The following GSAP variants were observed in gnomAD, a reference collection of about 807,000 sequenced individuals.
GSAP encodes the protein gamma-secretase-activating protein.
A neutral mutation model predicts 131.7 loss-of-function variants in GSAP; 118 were observed. That is an observed-to-expected ratio of 0.90 (90% CI 0.77 to 1.04). The LOEUF is 1.04. Among genes scored for constraint, GSAP ranks in the 50% least tolerant of loss-of-function variants. The probability of loss-of-function intolerance (pLI) is 0.00; values close to 1 mark genes in which losing one functional copy is unlikely to be tolerated. For synonymous variants in GSAP, 381 were observed against 363.4 expected, an observed-to-expected ratio of 1.05 and a Z score of -0.55; for missense variants, 1,019 against 1,013.2, an observed-to-expected ratio of 1.01 and a Z score of -0.08.
rs550887353 is a variant in GSAP at position 77,390,645 on chromosome 7, C to A, written c.368-3197G>T. On this transcript the variant is annotated intron_variant, in intron 5 of 30. Coordinates refer to ENST00000257626, the MANE Select transcript of GSAP (RefSeq NM_017439.4). ...CTCTGTTCTGTTCCATTGGTATATACCTAAGCTAAATGACGAGTTAATGGG... is the reference window on the plus strand; with the variant it reads ...CTCTGTTCTGTTCCATTGGTATATAACTAAGCTAAATGACGAGTTAATGGG... 3.3e-5 allele frequency among the ~76,000 whole-genome samples: 5 copies of A among 151,936 alleles called. No homozygotes were observed. The South Asian group carries it at 1.0e-3, about 32-fold the overall frequency.
At chr7:77,361,674 A>G (rs1384536002) in intron 13 of GSAP, among the ~76,000 whole-genome samples, 1 of 152,196 alleles carries the variant, frequency 6.6e-6, no homozygotes, top group Non-Finnish European at 1.5e-5. Context: ...ATTTAAATAC[A>G]CCCATAGTAT....
chr7:77,359,333 A>AT (rs1794208049), intron 14 of GSAP, among the ~76,000 whole-genome samples: 1 of 152,234 alleles, frequency 6.6e-6, no homozygotes, highest in Non-Finnish European at 1.5e-5. Flanking sequence ...ACCAATCAGA[A>AT]TTGCTGTAGG....
At chr7:77,416,569 G>C, upstream of GSAP, 1 of 357,298 alleles carries the variant, frequency 2.8e-6, no homozygotes, top group Non-Finnish European at 5.0e-6. Flanking sequence ...GGTGGACCAG[G>C]CGCCAGGACC....
intron 19 of GSAP, among the ~76,000 whole-genome samples, chr7:77,332,438 G>T (rs1789296744): frequency 6.6e-6 from 1 of 152,132 alleles, no homozygotes; most frequent in South Asian, 2.1e-4. Flanking sequence ...AGGCTAATTA[G>T]CATAGCCATC....
At chr7:77,330,195 A>G (rs1283234593) in intron 20 of GSAP, 44 bp downstream of exon 20, 21 of 1,580,174 alleles carry the variant, frequency 1.3e-5, no homozygotes, top group Admixed American at 5.3e-5. Flanking sequence ...GATCCAGTCC[A>G]CTATGCCTCG....
intron 14 of GSAP, among the ~76,000 whole-genome samples, chr7:77,356,821 G>C (rs1158907796): frequency 6.6e-6 from 1 of 152,232 alleles, no homozygotes. Flanking sequence ...CCTAAGAAGT[G>C]AAGGAACACA....
At chr7:77,383,061 C>T (rs1798024841) in intron 6 of GSAP, among the ~76,000 whole-genome samples, 1 of 152,068 alleles carries the variant, frequency 6.6e-6, no homozygotes, top group Non-Finnish European at 1.5e-5. Context: ...GTGGCACGTG[C>T]CTGTAGTCCC....
At position 77,416,231 on chromosome 7, in the gene GSAP, C is replaced by T; in HGVS notation, c.91G>A (p.Ala31Thr). The T allele has an allele frequency of 6.8e-7, 1 of 1,475,046 alleles. No individual in the cohort carries two copies. The highest frequency in any genetic ancestry group is 1.3e-5 in the South Asian group (1 of 76,962). 91.4% of individuals were successfully genotyped at this position (1,475,046 alleles called of 1,614,324 possible). A position where few individuals can be genotyped will look rare whatever the true frequency, so the allele number is the denominator to read the frequency against. ...CCCGCACCTGCGCCGCCGCTTCCGG[C>T]CCCGCTGGCCTCCGACACTGCCCGC... ...AQRAVSEASG[A>T]GSGGADVLEN... The change falls in exon 1 of 31, where the codon GCC (alanine) becomes ACC (threonine). Residue 31 changes from alanine (A) to threonine (T), a missense_variant. Physicochemically the swap from Ala to Thr is moderately conservative, Grantham distance 58. Transcript: ENST00000257626.
At chr7:77,381,457 T>C (rs141036610) in intron 7 of GSAP, 103 bp from the exon 8 acceptor site, 43 of 543,500 alleles carry the variant, frequency 7.9e-5, no homozygotes, top group Middle Eastern at 6.4e-4. Context: ...GCAATGCAGA[T>C]TGAACAACTG....
At chr7:77,312,080 T>C (rs905917570) in intron 29 of GSAP, 21 bp downstream of exon 29, 16 of 1,489,760 alleles carry the variant, frequency 1.1e-5, no homozygotes, top group Non-Finnish European at 1.5e-5. Flanking sequence ...TTTAGTTGGC[T>C]GTGCTTTCAG....
At position 77,400,064 on chromosome 7, in the gene GSAP, C is replaced by T. The variant is rs536572673; in HGVS notation, c.244-2649G>A. ...TATAACCACCCTAAGTCCAGCCAAA[C>T]ACCACAAAAGAAAATGCAACCCCAC... is the stretch of plus-strand genomic sequence containing the variant. On this transcript the variant is annotated intron_variant, in intron 3 of 30. Coordinates refer to ENST00000257626, the MANE Select transcript of GSAP (RefSeq NM_017439.4). Among the ~76,000 whole-genome samples the T allele has an allele frequency of 3.5e-4, 53 of 152,284 alleles. 1 individual carries two copies. The highest frequency in any genetic ancestry group is 6.9e-4 in the Non-Finnish European group (47 of 68,018).
intron 26 of GSAP, among the ~76,000 whole-genome samples, chr7:77,319,597 T>C (rs1787355492): frequency 6.6e-6 from 1 of 152,206 alleles, no homozygotes; most frequent in South Asian, 2.1e-4. Context: ...ATGTATATAC[T>C]CCCATGTTTA....
intron 19 of GSAP, among the ~76,000 whole-genome samples, chr7:77,339,582 AATG>A (rs1790573632): frequency 6.6e-6 from 1 of 152,196 alleles, no homozygotes; most frequent in Non-Finnish European, 1.5e-5. Context: ...CATGTGTGGA[AATG>A]ATGAATGGGA....
intron 19 of GSAP, among the ~76,000 whole-genome samples, chr7:77,334,582 A>T (rs1789681167): frequency 1.6e-5 from 2 of 127,792 alleles, no homozygotes; most frequent in Admixed American, 7.4e-5. Flanking sequence ...TTAAAATTTA[A>T]AAAAAAAAAA....
At chr7:77,415,889 C>CATTAAAAAA in intron 1 of GSAP, 2 of 275,138 alleles carry the variant, frequency 7.3e-6, no homozygotes, top group South Asian at 9.9e-5. Flanking sequence ...TGAGCACGAC[C>CATTAAAAAA]CTCTGCCCTC....
rs189801873 is a variant in GSAP, at chr7:77,333,245, G to A, written c.1546-2878C>T. Reference sequence around the variant, plus strand: ...GAAAACAGAGATGGAACAGGGGAGGGAAATGGATTTGAGTCAGTGAAGGAC... The same window carrying A: ...GAAAACAGAGATGGAACAGGGGAGGAAAATGGATTTGAGTCAGTGAAGGAC... On this transcript the variant is annotated intron_variant, in intron 19 of 30. Transcript: ENST00000257626. Among the ~76,000 whole-genome samples the A allele has an allele frequency of 9.1e-4, 138 of 152,312 alleles. 1 individual carries two copies. Among genetic ancestry groups the A allele is most frequent in the Non-Finnish European group, 2.2e-4 (15 of 68,024 alleles).
chr7:77,391,906 C>A (rs150462508), intron 5 of GSAP, among the ~76,000 whole-genome samples: 3 of 152,004 alleles, frequency 2.0e-5, no homozygotes, highest in Admixed American at 6.6e-5. Context: ...CCATAAAATC[C>A]CATTATTCTA....
Position 77,402,616 on chromosome 7 carries a change from A to AAAAAAAAAAAAAAAAAAAAAAAAAAAAT in GSAP, c.243+1942_243+1943insATTTTTTTTTTTTTTTTTTTTTTTTTTT, listed in dbSNP as rs375595494. ...CTCAAAAAAAAAAAAAAAAAAAAAA[A>AAAAAAAAAAAAAAAAAAAAAAAAAAAAT]GAATTTTAAAGCCCATCTAGATTTG... On this transcript the variant is annotated intron_variant, in intron 3 of 30. Coordinates refer to ENST00000257626, the MANE Select transcript of GSAP (RefSeq NM_017439.4). 4.5e-3 allele frequency among the ~76,000 whole-genome samples: 358 copies of AAAAAAAAAAAAAAAAAAAAAAAAAAAAT among 80,420 alleles called. 73 individuals carry two copies. The highest frequency in any genetic ancestry group is 7.3e-3 in the Non-Finnish European group (268 of 36,796). The allele number at this position is 80,420 out of a possible 152,430, so 52.8% of individuals were successfully genotyped here.
chr7:77,387,005 A>G (rs1008569082), intron 6 of GSAP, among the ~76,000 whole-genome samples: 1 of 152,242 alleles, frequency 6.6e-6, no homozygotes, highest in Non-Finnish European at 1.5e-5. Flanking sequence ...GCATCAACTC[A>G]TGAAGTTGAT....
Sources: gnomAD v4.1 joint callset for allele counts (sites outside exome capture counted in the v4.1 genomes callset) on GRCh38, gnomAD v4.1.1 for gene constraint, MANE v1.5 for transcripts, NCBI Gene and HGNC (gene_info 2026-07-23, HGNC 2026-07-21) for gene names.